NUP62CL: variants seen among roughly 807,000 people sequenced by gnomAD.
The protein encoded by NUP62CL is nucleoporin 62 C-terminal like.
Under a neutral mutation model 15.3 loss-of-function variants are expected in NUP62CL, and 13 were observed. The ratio of observed to expected loss-of-function variants is 0.85; its 90% CI spans 0.55 to 1.35. The LOEUF (loss-of-function observed/expected upper bound fraction) is 1.35. Among genes scored for constraint, NUP62CL ranks in the 40% most tolerant of loss-of-function variants. NUP62CL has a pLI of 0.00. For missense variants in NUP62CL, 123 were observed against 130.6 expected, an observed-to-expected ratio of 0.94 and a Z score of 0.28; for synonymous variants, 54 against 49.2, an observed-to-expected ratio of 1.10 and a Z score of -0.41.
intron 8 of NUP62CL, among the ~76,000 whole-genome samples, chrX:107,130,560 A>G (rs973651624): frequency 1.8e-5 from 2 of 111,849 alleles, no homozygotes; most frequent in African/African-American, 6.5e-5. Context: ...AAGAGCCATG[A>G]AACTGGAGAA....
intron 2 of NUP62CL, among the ~76,000 whole-genome samples, chrX:107,181,668 C>A (rs771376012): frequency 9.0e-6 from 1 of 111,079 alleles, no homozygotes; most frequent in Admixed American, 9.6e-5. Context: ...TATGGTTTTA[C>A]GAGAATTGCA....
intron 2 of NUP62CL, among the ~76,000 whole-genome samples, chrX:107,186,829 C>T (rs970572831): frequency 1.3e-4 from 15 of 111,276 alleles, no homozygotes; most frequent in African/African-American, 4.6e-4. Context: ...ATGCGGGAGG[C>T]GGAAGTTGCA....
intron 8 of NUP62CL, among the ~76,000 whole-genome samples, chrX:107,133,913 G>A (rs760165970): frequency 8.9e-6 from 1 of 111,952 alleles, no homozygotes; most frequent in South Asian, 3.8e-4. Context: ...ACTCCAACCT[G>A]GGCGACAGAG....
chrX:107,167,658 G>A lies in NUP62CL; in HGVS notation c.185C>T (p.Ser62Leu), dbSNP rs1411331664. The change falls in exon 4 of 9, where the codon TCA becomes TTA. Residue 62 changes from serine to leucine, a missense_variant. Transcript: ENST00000372466. ...RGFENLVPYT[S>L]TVSVVATPVM... ...AAATAAATAGGCTTACCTAACAGTTGAAGTATAAGGTACAAGGTTTTCAAA... is the reference window on the plus strand; with the variant it reads ...AAATAAATAGGCTTACCTAACAGTTAAAGTATAAGGTACAAGGTTTTCAAA... 1.7e-6 allele frequency: 2 copies of A among 1,185,238 alleles called. No homozygotes were observed. The highest frequency in any genetic ancestry group is 3.5e-5 in the African/African-American group (2 of 56,528).
chrX:107,188,429 C>G (rs192929485), intron 2 of NUP62CL, among the ~76,000 whole-genome samples: 93 of 109,307 alleles, frequency 8.5e-4, no homozygotes, highest in African/African-American at 2.9e-3. Context: ...AACTCCCCCC[C>G]ACCACTCCCC....
At chrX:107,170,938 A>T (rs1926637743) in intron 3 of NUP62CL, among the ~76,000 whole-genome samples, 1 of 112,074 alleles carries the variant, frequency 8.9e-6, no homozygotes, top group Non-Finnish European at 1.9e-5. Flanking sequence ...TGGTTCTAAA[A>T]ATAATACAAA....
At chrX:107,197,378 T>C (rs1927380976) in intron 1 of NUP62CL, among the ~76,000 whole-genome samples, 1 of 111,018 alleles carries the variant, frequency 9.0e-6, no homozygotes, top group Non-Finnish European at 1.9e-5. Flanking sequence ...ATCATTACTT[T>C]ATTAAAAAAT....
intron 2 of NUP62CL, among the ~76,000 whole-genome samples, chrX:107,192,541 G>A (rs761056904): frequency 1.2e-4 from 13 of 110,709 alleles, no homozygotes; most frequent in Admixed American, 1.9e-4. Context: ...TACCACGCCC[G>A]GCTAATTTTT....
At chrX:107,151,286 G>A (rs1926003566) in intron 7 of NUP62CL, among the ~76,000 whole-genome samples, 1 of 111,602 alleles carries the variant, frequency 9.0e-6, no homozygotes. Flanking sequence ...TACACCTATA[G>A]CACATTTACA....
chrX:107,154,069 G>C (rs895482246), intron 5 of NUP62CL, 27 bp downstream of exon 5: 19 of 1,158,383 alleles, frequency 1.6e-5, no homozygotes, highest in Non-Finnish European at 2.0e-5. Context: ...GCACAATGTA[G>C]GTAGATTAAT....
chrX:107,161,479 G>T (rs1302126254), intron 4 of NUP62CL, among the ~76,000 whole-genome samples: 1 of 80,536 alleles, frequency 1.2e-5, no homozygotes, highest in Non-Finnish European at 2.4e-5. Flanking sequence ...CATGTCCTTT[G>T]TAGGGACATG....
chrX:107,206,068 G>A (rs1054801034), intron 1 of NUP62CL, among the ~76,000 whole-genome samples: 5 of 110,539 alleles, frequency 4.5e-5, no homozygotes, highest in Non-Finnish European at 7.6e-5. Context: ...TTTCTGTCGC[G>A]TGGGGGAGAC....
intron 2 of NUP62CL, among the ~76,000 whole-genome samples, chrX:107,188,036 G>A (rs1927111129): frequency 8.9e-6 from 1 of 112,069 alleles, no homozygotes; most frequent in Non-Finnish European, 1.9e-5. Flanking sequence ...AATGTTTGAA[G>A]AATTTCTTTC....
intron 2 of NUP62CL, among the ~76,000 whole-genome samples, chrX:107,179,914 CCA>C (rs1198415948): frequency 9.0e-6 from 1 of 111,211 alleles, no homozygotes; most frequent in Non-Finnish European, 1.9e-5. Flanking sequence ...TTCCTCTACC[CCA>C]GTTTGCCATT....
At chrX:107,136,774 A>AT (rs1309182091) in intron 8 of NUP62CL, among the ~76,000 whole-genome samples, 1 of 112,607 alleles carries the variant, frequency 8.9e-6, no homozygotes, top group Non-Finnish European at 1.9e-5. Flanking sequence ...GATTGAAAAT[A>AT]TATCAACGTA....
Position 107,153,203 on chromosome X carries a change from G to A in NUP62CL, c.499C>T (p.Leu167=), listed in dbSNP as rs1926089334. 1.7e-6 allele frequency: 2 copies of A among 1,204,451 alleles called. No individual in the cohort carries two copies. The highest frequency in any genetic ancestry group is 4.5e-5 in the Admixed American group (2 of 44,743). The change falls in exon 7 of 9, where the codon CTG becomes TTG. Residue 167 remains leucine (L), a synonymous_variant. Coordinates refer to ENST00000372466, the MANE Select transcript of NUP62CL (RefSeq NM_017681.3). The stretch of plus-strand genomic sequence containing the variant: ...ACATGCTCCTCATCTGCATCCTGCA[G>A]ATAATGAAGTCCACTCTGGTCACGC... ...STRDQSGLHY[L]QDADEEHVEI...
At chrX:107,148,937 G>A (rs2147797060) in intron 7 of NUP62CL, among the ~76,000 whole-genome samples, 1 of 111,614 alleles carries the variant, frequency 9.0e-6, no homozygotes, top group African/African-American at 3.2e-5. Flanking sequence ...TTATTGTTCA[G>A]AAAATGTTTT....
At chrX:107,147,718 G>A in intron 8 of NUP62CL, 25 bp downstream of exon 8, 3 of 905,798 alleles carry the variant, frequency 3.3e-6, no homozygotes, top group Non-Finnish European at 3.2e-6. Flanking sequence ...TAAATACACA[G>A]AGTGGCATAC....
intron 1 of NUP62CL, among the ~76,000 whole-genome samples, chrX:107,197,956 T>C (rs768494988): frequency 8.9e-6 from 1 of 112,660 alleles, no homozygotes; most frequent in South Asian, 3.7e-4. Context: ...TTTAATTTTA[T>C]GTAAAGTGCT....
Sources: allele counts gnomAD v4.1 joint callset (sites outside exome capture counted in the v4.1 genomes callset), GRCh38; gene constraint gnomAD v4.1.1; transcripts MANE v1.5; gene names NCBI Gene and HGNC (gene_info 2026-07-23, HGNC 2026-07-21).